ANKS1B: variants seen among roughly 807,000 people sequenced by gnomAD.
The protein encoded by ANKS1B is ankyrin repeat and sterile alpha motif domain containing 1B.
A neutral mutation model predicts 148.3 loss-of-function variants in ANKS1B; 36 were observed. That is an observed-to-expected ratio of 0.24 (90% confidence interval 0.19 to 0.32). The LOEUF is 0.32. ANKS1B is among the 10% of genes least tolerant of loss of function. The probability of loss-of-function intolerance (pLI) is 1.00; values close to 1 mark genes in which losing one functional copy is unlikely to be tolerated. For missense variants in ANKS1B, 1,157 were observed against 1,542.6 expected (o/e 0.75, Z 4.19); for synonymous variants, 542 against 560.8 (o/e 0.97, Z 0.47).
intron 17 of ANKS1B, among the ~76,000 whole-genome samples, chr12:98,997,321 T>G (rs1568266305): frequency 6.6e-6 from 1 of 152,064 alleles, no homozygotes; most frequent in East Asian, 1.9e-4. Context: ...TATTGATGAG[T>G]TGCTTGAGTT....
chr12:99,605,106 C>G (rs1418236489), intron 9 of ANKS1B, among the ~76,000 whole-genome samples: 1 of 151,906 alleles, frequency 6.6e-6, no homozygotes, highest in Non-Finnish European at 1.5e-5. Context: ...CTTCAGTGTA[C>G]TCTTAACACT....
chr12:99,249,563 T>C (rs1206999882), intron 12 of ANKS1B, among the ~76,000 whole-genome samples: 1 of 152,224 alleles, frequency 6.6e-6, no homozygotes, highest in African/African-American at 2.4e-5. Flanking sequence ...CAAATATTAC[T>C]TGCTTTTTCC....
At chr12:99,493,452 G>A (rs951064361) in intron 10 of ANKS1B, among the ~76,000 whole-genome samples, 25 of 152,118 alleles carry the variant, frequency 1.6e-4, no homozygotes, top group African/African-American at 5.8e-4. Flanking sequence ...GTGTTACAAG[G>A]GAAACAGGAC....
rs892896841 is a variant in ANKS1B, at chr12:99,229,405, A to G, written c.2419+14937T>C. The stretch of plus-strand genomic sequence containing the variant: ...CTGAAATGAATATCTTTATATGTGC[A>G]TTTTTTGCTCCTGTTCAATTGCTTC... On this transcript the variant is annotated intron_variant, in intron 14 of 26. Coordinates refer to ENST00000683438, the MANE Select transcript of ANKS1B (RefSeq NM_001352186.2). Among the ~76,000 whole-genome samples, 6 of 151,798 alleles carry G rather than the reference A, an allele frequency of 4.0e-5. No homozygotes were observed. The South Asian group carries it at 1.2e-3, about 32-fold the overall frequency.
At chr12:99,007,163 G>A (rs1227226109) in intron 17 of ANKS1B, among the ~76,000 whole-genome samples, 3 of 152,218 alleles carry the variant, frequency 2.0e-5, no homozygotes, top group Non-Finnish European at 4.4e-5. Context: ...GATGTGATGT[G>A]GGAGCTGGAG....
chr12:99,243,708 G>C (rs991172750), intron 14 of ANKS1B, among the ~76,000 whole-genome samples: 1 of 152,202 alleles, frequency 6.6e-6, no homozygotes, highest in African/African-American at 2.4e-5. Context: ...TTAAAAGGAT[G>C]AGCTCATGTC....
intron 16 of ANKS1B, among the ~76,000 whole-genome samples, chr12:99,072,515 C>T (rs1038702245): frequency 6.6e-5 from 10 of 152,030 alleles, no homozygotes; most frequent in Non-Finnish European, 1.5e-4. Flanking sequence ...TAACTAAAAG[C>T]TCAAGAGAGT....
intron 9 of ANKS1B, among the ~76,000 whole-genome samples, chr12:99,563,441 A>C (rs1314554980): frequency 6.6e-6 from 1 of 152,126 alleles, no homozygotes; most frequent in African/African-American, 2.4e-5. Context: ...GTTGTGTCTC[A>C]GGGAGTAGGG....
At chr12:98,902,372 C>A (rs1320887042) in intron 17 of ANKS1B, among the ~76,000 whole-genome samples, 1 of 152,208 alleles carries the variant, frequency 6.6e-6, no homozygotes, top group African/African-American at 2.4e-5. Flanking sequence ...ACACTTACAG[C>A]AACTTTCAAG....
chr12:98,761,199 C>G (rs191576741), intron 25 of ANKS1B, among the ~76,000 whole-genome samples: 99 of 152,308 alleles, frequency 6.5e-4, no homozygotes, highest in African/African-American at 2.3e-3. Context: ...CTTCATTGCT[C>G]TCATGAATGT....
rs576213607 is a variant in ANKS1B, at chr12:99,246,305, T to C, written c.2316A>G (p.Arg772=). The C allele has an allele frequency of 1.2e-6, 2 of 1,600,630 alleles. No individual in the cohort carries two copies. Among genetic ancestry groups the C allele is most frequent in the African/African-American group, 2.7e-5 (2 of 74,610 alleles). Residue 772 remains arginine (R), a synonymous_variant, in exon 13 of 27, where the codon AGA becomes AGG. Coordinates refer to ENST00000683438, the MANE Select transcript of ANKS1B (RefSeq NM_001352186.2). ...CCCATTCCGATGTGAAGGATGGTGT[T>C]CTTTCAGAATTCCCTTTAGAACTGT... The part of the protein sequence containing the change: ...AEHSSKGNSE[R]TPSFTSEWEE...
At chr12:98,826,979 T>C (rs1377099915) in intron 19 of ANKS1B, among the ~76,000 whole-genome samples, 1 of 150,772 alleles carries the variant, frequency 6.6e-6, no homozygotes, top group African/African-American at 2.5e-5. Context: ...TAAGGTAGAA[T>C]AAGAAAAAAA....
intron 1 of ANKS1B, among the ~76,000 whole-genome samples, chr12:99,952,404 T>C (rs950733001): frequency 2.6e-5 from 4 of 152,222 alleles, no homozygotes; most frequent in Admixed American, 2.0e-4. Context: ...TTTATGTTAG[T>C]TCATAATAAA....
chr12:99,654,821 C>G (rs1399047269), intron 9 of ANKS1B, among the ~76,000 whole-genome samples: 1 of 152,090 alleles, frequency 6.6e-6, no homozygotes, highest in Non-Finnish European at 1.5e-5. Context: ...AACAAGATAA[C>G]TTTTCTGCAT....
intron 14 of ANKS1B, among the ~76,000 whole-genome samples, chr12:99,169,438 T>TA (rs1175856758): frequency 6.6e-6 from 1 of 151,944 alleles, no homozygotes; most frequent in African/African-American, 2.4e-5. Context: ...ACAAGAGTTT[T>TA]AAAAAAAAGA....
intron 17 of ANKS1B, among the ~76,000 whole-genome samples, chr12:98,931,175 C>T (rs1230003573): frequency 1.3e-5 from 2 of 152,028 alleles, no homozygotes; most frequent in East Asian, 1.9e-4. Context: ...GAGTTGTTGA[C>T]GAATGTTCTG....
chr12:99,750,016 G>T (rs1054991025), intron 8 of ANKS1B, among the ~76,000 whole-genome samples: 2 of 151,986 alleles, frequency 1.3e-5, no homozygotes, highest in African/African-American at 2.4e-5. Flanking sequence ...TTGCTGACTT[G>T]TCCACCAGAC....
chr12:98,923,503 C>T (rs1164958467), intron 17 of ANKS1B, among the ~76,000 whole-genome samples: 3 of 152,074 alleles, frequency 2.0e-5, no homozygotes, highest in East Asian at 3.8e-4. Flanking sequence ...TTGATGAACC[C>T]GAAGTTCCCT....
chr12:99,959,832 G>C (rs1436773561), intron 1 of ANKS1B, among the ~76,000 whole-genome samples: 2 of 152,160 alleles, frequency 1.3e-5, no homozygotes, highest in Non-Finnish European at 2.9e-5. Context: ...AGAGAATCTA[G>C]TGAAGAGCTT....
Sources: allele counts gnomAD v4.1 joint callset (sites outside exome capture counted in the v4.1 genomes callset), GRCh38; gene constraint gnomAD v4.1.1; transcripts MANE v1.5; gene names NCBI Gene and HGNC (gene_info 2026-07-23, HGNC 2026-07-21).